The following OR51B5 variants were observed in gnomAD, a reference collection of about 807,000 sequenced individuals.
OR51B5 encodes the protein olfactory receptor 51B5.
For synonymous variants in OR51B5, 186 were observed against 144.8 expected, an observed-to-expected ratio of 1.28 and a Z score of -2.04; for missense variants, 456 against 374.6, an observed-to-expected ratio of 1.22 and a Z score of -1.79.
At chr11:5,467,827 T>A (rs888049680) in intron 1 of OR51B5, among the ~76,000 whole-genome samples, 1 of 152,224 alleles carries the variant, frequency 6.6e-6, no homozygotes, top group African/African-American at 2.4e-5. Flanking sequence ...ACAACCTCTG[T>A]TAGGCTTCGA....
chr11:5,464,754 C>T (rs1393105201), intron 1 of OR51B5, among the ~76,000 whole-genome samples: 4 of 152,116 alleles, frequency 2.6e-5, no homozygotes, highest in South Asian at 2.1e-4. Flanking sequence ...CATACGTGTG[C>T]ATGTGTCTTT....
At chr11:5,387,232 G>C (rs1241957227) in intron 1 of OR51B5, among the ~76,000 whole-genome samples, 2 of 151,994 alleles carry the variant, frequency 1.3e-5, no homozygotes, top group African/African-American at 4.8e-5. Flanking sequence ...AGAATTTCTA[G>C]AGAGAGCTCT....
At chr11:5,468,435 C>T (rs11606416) in intron 1 of OR51B5, 93,180 of 326,036 alleles carry the variant, frequency 0.29, 15,780 homozygotes, top group Non-Finnish European at 0.37. Flanking sequence ...TACACCCAAA[C>T]ATCAGCAACA....
At chr11:5,410,113 G>A (rs1025580846) in intron 1 of OR51B5, among the ~76,000 whole-genome samples, 10 of 152,174 alleles carry the variant, frequency 6.6e-5, no homozygotes, top group Non-Finnish European at 1.0e-4. Flanking sequence ...GCAAACCTGC[G>A]TTATATCAAA....
chr11:5,466,733 T>C (rs1851143695), intron 1 of OR51B5, among the ~76,000 whole-genome samples: 1 of 152,244 alleles, frequency 6.6e-6, no homozygotes, highest in Admixed American at 6.5e-5. Flanking sequence ...GTAGCTTTTA[T>C]AGCTTTGCAG....
intron 1 of OR51B5, among the ~76,000 whole-genome samples, chr11:5,464,546 T>G (rs12274521): frequency 0.04 from 6,071 of 151,636 alleles, 432 homozygotes; most frequent in African/African-American, 0.14. Context: ...GTTTGGTTTT[T>G]TGTTCTTGCG....
At chr11:5,437,777 A>G (rs928073669) in intron 1 of OR51B5, among the ~76,000 whole-genome samples, 1 of 152,196 alleles carries the variant, frequency 6.6e-6, no homozygotes, top group Non-Finnish European at 1.5e-5. Flanking sequence ...TCCCAAACAG[A>G]TTCTTTTTCC....
chr11:5,392,953 T>A (rs1192077726), intron 1 of OR51B5: 1 of 152,172 alleles, frequency 6.6e-6, no homozygotes, highest in African/African-American at 2.4e-5. Flanking sequence ...TCTGTGCTGT[T>A]AAGTATGTGG....
At chr11:5,400,883 C>G (rs115283053) in intron 1 of OR51B5, among the ~76,000 whole-genome samples, 3,879 of 152,198 alleles carry the variant, frequency 0.025, 156 homozygotes, top group African/African-American at 0.085. Context: ...CCTGTTGATG[C>G]GTAAGTTCAG....
intron 1 of OR51B5, among the ~76,000 whole-genome samples, chr11:5,474,850 T>G (rs917669038): frequency 6.6e-6 from 1 of 152,162 alleles, no homozygotes; most frequent in African/African-American, 2.4e-5. Flanking sequence ...GCTAAACAAA[T>G]AATTACATGC....
At chr11:5,413,119 G>A (rs543048476) in intron 1 of OR51B5, among the ~76,000 whole-genome samples, 11 of 152,244 alleles carry the variant, frequency 7.2e-5, no homozygotes, top group East Asian at 5.8e-4. Flanking sequence ...AGCAGCATTC[G>A]CGGTTCACGA....
chr11:5,430,958 T>A (rs1282843155), intron 1 of OR51B5: 2 of 456,972 alleles, frequency 4.4e-6, no homozygotes, highest in Admixed American at 4.7e-5. Context: ...GAGACCACGA[T>A]AAGCAATGAG....
At chr11:5,427,791 G>A (rs1164230263) in intron 1 of OR51B5, among the ~76,000 whole-genome samples, 2 of 151,964 alleles carry the variant, frequency 1.3e-5, no homozygotes, top group African/African-American at 4.8e-5. Flanking sequence ...TTTCATACGG[G>A]AATGATATTA....
chr11:5,479,140 C>T lies in OR51B5; in HGVS notation n.84+26429G>A, dbSNP rs1196512450. On this transcript the variant is annotated intron_variant and non_coding_transcript_variant, in intron 1 of 4. Transcript: ENST00000415970. ...GGTCGGGTTACCCTCAAAGGGAAGC[C>T]CATCAGACTAACAGCGGATCTCTCG... Among the ~76,000 whole-genome samples, 8 of 148,702 alleles carry T rather than the reference C, an allele frequency of 5.4e-5. No homozygotes were observed. In the South Asian group the frequency reaches 6.5e-4, roughly 12 times the overall value.
chr11:5,410,283 C>T (rs1440719842), intron 1 of OR51B5, among the ~76,000 whole-genome samples: 1 of 152,002 alleles, frequency 6.6e-6, no homozygotes, highest in Non-Finnish European at 1.5e-5. Flanking sequence ...ATTCTTTGAA[C>T]TATAATTGTG....
chr11:5,344,188 A>G (rs1848952908), upstream of OR51B5, among the ~76,000 whole-genome samples: 3 of 152,076 alleles, frequency 2.0e-5, no homozygotes, highest in African/African-American at 7.2e-5. Context: ...CTTCAGTACT[A>G]CTCACTACTT....
chr11:5,446,004 G>A (rs1177794134), intron 1 of OR51B5, among the ~76,000 whole-genome samples: 3 of 151,786 alleles, frequency 2.0e-5, no homozygotes, highest in Non-Finnish European at 4.4e-5. Context: ...CTATCCCAAG[G>A]ACAAAAAACC....
chr11:5,401,982 C>T (rs1849977499), intron 1 of OR51B5, among the ~76,000 whole-genome samples: 2 of 150,698 alleles, frequency 1.3e-5, no homozygotes, highest in South Asian at 4.2e-4. Context: ...CTCCTTCCCT[C>T]CCTCCCGCTT....
chr11:5,420,650 TACAA>T (rs2133759239), intron 1 of OR51B5, among the ~76,000 whole-genome samples: 1 of 130,468 alleles, frequency 7.7e-6, no homozygotes, highest in South Asian at 2.4e-4. Flanking sequence ...TGCTGCTATT[TACAA>T]AGTCTTCACA....
Sources: gnomAD v4.1 joint callset for allele counts (sites outside exome capture counted in the v4.1 genomes callset) on GRCh38, gnomAD v4.1.1 for gene constraint, MANE v1.5 for transcripts, NCBI Gene and HGNC (gene_info 2026-07-23, HGNC 2026-07-21) for gene names.